The following NID1 variants were observed in gnomAD, a reference collection of about 807,000 sequenced individuals.
NID1 encodes the protein nidogen 1.
In NID1, 76 loss-of-function variants were observed where a neutral mutation model predicts 130.6. That is an observed-to-expected ratio of 0.58 (90% confidence interval 0.48 to 0.70). The LOEUF is 0.70. NID1 is among the 30% of genes least tolerant of loss of function. NID1 has a pLI of 0.00. For synonymous variants in NID1, 665 were observed against 675.1 expected (o/e 0.98, Z 0.23); for missense variants, 1,517 against 1,664.8 (o/e 0.91, Z 1.54).
chr1:236,062,009 A>G (rs1660050259), intron 1 of NID1, among the ~76,000 whole-genome samples: 1 of 152,116 alleles, frequency 6.6e-6, no homozygotes, highest in Admixed American at 6.5e-5. Context: ...TTTGGAAAAC[A>G]CTTTGACAGT....
At position 235,981,590 on chromosome 1, in the gene NID1, C is replaced by T. The variant is rs1212759849; in HGVS notation, c.3227+21G>A. 50 of 1,602,466 alleles carry T rather than the reference C, an allele frequency of 3.1e-5. No individual in the cohort carries two copies. The East Asian group carries it at 1.1e-3, about 36-fold the overall frequency. ...CAGATGCAAATCAAAGAGATGCACACACATATTTACACAAAGATACCCTCT... is the reference window on the plus strand; with the variant it reads ...CAGATGCAAATCAAAGAGATGCACATACATATTTACACAAAGATACCCTCT... On this transcript the variant is annotated intron_variant, in intron 16 of 19. Transcript: ENST00000264187.
At chr1:236,064,673 G>C (rs1571913117) in intron 1 of NID1, 182 bp downstream of exon 1, 3 of 644,234 alleles carry the variant, frequency 4.7e-6, no homozygotes, top group Middle Eastern at 3.8e-4. Context: ...GGATAGCAGG[G>C]ACCGGGTCGG....
chr1:235,990,774 G>A (rs1272482907), intron 14 of NID1, 112 bp downstream of exon 14: 4 of 1,140,032 alleles, frequency 3.5e-6, no homozygotes, highest in Non-Finnish European at 3.9e-6. Flanking sequence ...CATGGAATGA[G>A]CACCCATGGT....
intron 7 of NID1, among the ~76,000 whole-genome samples, chr1:236,027,868 C>T (rs755357053): frequency 3.0e-4 from 46 of 151,532 alleles, no homozygotes; most frequent in Non-Finnish European, 2.7e-4. Flanking sequence ...ACAAAAAAAA[C>T]GAAGGGATTC....
At chr1:235,980,027 A>C in intron 17 of NID1, 82 bp from the exon 18 acceptor site, 1 of 1,467,704 alleles carries the variant, frequency 6.8e-7, no homozygotes, top group Non-Finnish European at 9.5e-7. Context: ...TAATGAGGGC[A>C]AGAGTGGGAG....
chr1:236,045,797 C>G, intron 2 of NID1, 114 bp from the exon 3 acceptor site: 1 of 774,806 alleles, frequency 1.3e-6, no homozygotes, highest in Non-Finnish European at 2.0e-6. Flanking sequence ...TGGCAATATT[C>G]TCACCTTATT....
At chr1:236,028,314 A>C (rs1035458199) in intron 7 of NID1, among the ~76,000 whole-genome samples, 1 of 152,220 alleles carries the variant, frequency 6.6e-6, no homozygotes, top group Non-Finnish European at 1.5e-5. Context: ...TAAAAACTAT[A>C]AGCATGGGTA....
intron 14 of NID1, among the ~76,000 whole-genome samples, chr1:235,989,052 C>T (rs1197253249): frequency 6.6e-6 from 1 of 151,280 alleles, no homozygotes; most frequent in Non-Finnish European, 1.5e-5. Context: ...CACCACCTAG[C>T]CCACTTAAAT....
In NID1 at chr1:235,984,083, G is replaced by A. The variant is rs900708889; in HGVS notation, c.3055+1296C>T. 3.9e-5 allele frequency among the ~76,000 whole-genome samples: 6 copies of A among 152,008 alleles called. 1 individual carries two copies. The highest frequency in any genetic ancestry group is 1.5e-4 in the African/African-American group (6 of 41,368). ...TTTCACAGTAACTAGGCTTTTGCTTGGAATGCTTCTTACTGTGCTTACAGC... is the reference window on the plus strand; with the variant it reads ...TTTCACAGTAACTAGGCTTTTGCTTAGAATGCTTCTTACTGTGCTTACAGC... On this transcript the variant is annotated intron_variant, in intron 15 of 19. Coordinates refer to ENST00000264187, the MANE Select transcript of NID1 (RefSeq NM_002508.3).
chr1:236,046,126 G>C (rs985876134), intron 2 of NID1, among the ~76,000 whole-genome samples: 3 of 152,134 alleles, frequency 2.0e-5, no homozygotes, highest in Admixed American at 2.0e-4. Flanking sequence ...ATGAGATTTG[G>C]GAGAAAACAG....
intron 12 of NID1, among the ~76,000 whole-genome samples, chr1:236,003,546 C>A (rs908143751): frequency 6.6e-6 from 1 of 152,272 alleles, no homozygotes; most frequent in South Asian, 2.1e-4. Flanking sequence ...GGAAGGAGGG[C>A]GAGACCAATT....
At chr1:236,000,991 G>A (rs1220036834) in intron 12 of NID1, among the ~76,000 whole-genome samples, 3 of 152,124 alleles carry the variant, frequency 2.0e-5, no homozygotes, top group Non-Finnish European at 4.4e-5. Context: ...CCCCACTACA[G>A]AGGCAGCTAC....
intron 15 of NID1, among the ~76,000 whole-genome samples, chr1:235,983,574 T>C (rs891232063): frequency 3.3e-5 from 5 of 152,168 alleles, no homozygotes; most frequent in African/African-American, 1.2e-4. Context: ...TAGGCTGCTC[T>C]GTGAGAGCAT....
At chr1:236,011,438 G>C (rs1658407997) in intron 12 of NID1, among the ~76,000 whole-genome samples, 2 of 151,734 alleles carry the variant, frequency 1.3e-5, no homozygotes, top group African/African-American at 4.8e-5. Flanking sequence ...TAGTAGCTGG[G>C]ATTACAGGCA....
chr1:235,991,479 T>TGC (rs2102799484), intron 13 of NID1, among the ~76,000 whole-genome samples: 1 of 152,228 alleles, frequency 6.6e-6, no homozygotes, highest in Non-Finnish European at 1.5e-5. Flanking sequence ...ATTACAGGCA[T>TGC]GCACCACCAT....
At chr1:236,000,040 C>T (rs994747049) in intron 12 of NID1, among the ~76,000 whole-genome samples, 1 of 152,036 alleles carries the variant, frequency 6.6e-6, no homozygotes, top group Non-Finnish European at 1.5e-5. Flanking sequence ...GTGGTGAGAC[C>T]CCATCTCTAC....
At chr1:236,040,192 C>G (rs1362241536) in intron 4 of NID1, among the ~76,000 whole-genome samples, 6 of 152,156 alleles carry the variant, frequency 3.9e-5, no homozygotes, top group African/African-American at 1.4e-4. Context: ...ACACACCCAA[C>G]ACATCTGGGG....
At chr1:236,019,466 G>GTGTTTT (rs1311753843) in intron 9 of NID1, among the ~76,000 whole-genome samples, 5 of 152,316 alleles carry the variant, frequency 3.3e-5, no homozygotes, top group African/African-American at 1.2e-4. Context: ...GTTCCTCCCT[G>GTGTTTT]GGAACATTTA....
intron 9 of NID1, among the ~76,000 whole-genome samples, chr1:236,020,675 C>T (rs1658735514): frequency 1.3e-5 from 2 of 152,324 alleles, no homozygotes; most frequent in South Asian, 4.1e-4. Flanking sequence ...TCCTCTAACG[C>T]ACTTCCCAAG....
Sources: allele counts gnomAD v4.1 joint callset (sites outside exome capture counted in the v4.1 genomes callset), GRCh38; gene constraint gnomAD v4.1.1; transcripts MANE v1.5; gene names NCBI Gene and HGNC (gene_info 2026-07-23, HGNC 2026-07-21).